The following IL1R1 variants were observed in gnomAD, a reference collection of about 807,000 sequenced individuals.
IL1R1 encodes interleukin 1 receptor type 1, also known as interleukin-1 receptor type 1.
In IL1R1, 22 loss-of-function variants were observed where a neutral mutation model predicts 50.2. The ratio of observed to expected loss-of-function variants is 0.44; its 90% CI spans 0.31 to 0.63. The LOEUF is 0.63. Ranked by LOEUF, IL1R1 falls within the 20% of genes least tolerant of loss-of-function variation. The pLI is 0.07. For synonymous variants in IL1R1, 251 were observed against 236.7 expected (o/e 1.06, Z -0.55); for missense variants, 509 against 676.2 (o/e 0.75, Z 2.74).
chr2:102,150,656 T>C (rs1249879897), intron 1 of IL1R1, among the ~76,000 whole-genome samples: 1 of 152,176 alleles, frequency 6.6e-6, no homozygotes, highest in Non-Finnish European at 1.5e-5. Flanking sequence ...TGGATGTGAT[T>C]GTCACATAAA....
At chr2:102,104,551 C>T (rs1454415846), upstream of IL1R1, 1 of 152,190 alleles carries the variant, frequency 6.6e-6, no homozygotes, top group African/African-American at 2.4e-5. Context: ...TTCATAGTTC[C>T]CCAGATGTGT....
chr2:102,163,441 C>G (rs190186178), intron 3 of IL1R1, among the ~76,000 whole-genome samples: 18 of 152,218 alleles, frequency 1.2e-4, no homozygotes, highest in Admixed American at 1.1e-3. Flanking sequence ...TGGATAATTT[C>G]TAATGCTGTG....
At chr2:102,096,086 C>T (rs915119598) in intron 1 of IL1R1, among the ~76,000 whole-genome samples, 1 of 152,194 alleles carries the variant, frequency 6.6e-6, no homozygotes, top group Non-Finnish European at 1.5e-5. Context: ...GTATTCCTGT[C>T]AATATATGTA....
intron 8 of IL1R1, chr2:102,172,356 A>G: frequency 1.0e-6 from 1 of 985,320 alleles, no homozygotes. Context: ...CAACACCTGC[A>G]AAGCACTTTG....
intron 1 of IL1R1, among the ~76,000 whole-genome samples, chr2:102,082,282 AAATAT>A (rs1679244734): frequency 2.9e-5 from 4 of 135,936 alleles, no homozygotes; most frequent in African/African-American, 1.0e-4. Context: ...CCTTTAATTT[AAATAT>A]TATTTCTGGA....
intron 1 of IL1R1, among the ~76,000 whole-genome samples, chr2:102,091,874 C>G (rs1679682348): frequency 2.0e-5 from 3 of 152,162 alleles, no homozygotes; most frequent in Admixed American, 2.0e-4. Flanking sequence ...TAAGAACATG[C>G]AAAATTTGTC....
At chr2:102,163,574 T>C (rs1250647420) in intron 3 of IL1R1, among the ~76,000 whole-genome samples, 1 of 152,212 alleles carries the variant, frequency 6.6e-6, no homozygotes, top group Non-Finnish European at 1.5e-5. Flanking sequence ...ATCTCTTTCA[T>C]GTCTTCACTA....
chr2:102,071,289 C>G (rs1194031848), intron 1 of IL1R1, among the ~76,000 whole-genome samples: 1 of 152,178 alleles, frequency 6.6e-6, no homozygotes, highest in African/African-American at 2.4e-5. Context: ...CTATCTGTAG[C>G]TCAATTTGCC....
chr2:102,169,592 G>T (rs1458088341), intron 7 of IL1R1, among the ~76,000 whole-genome samples: 1 of 152,198 alleles, frequency 6.6e-6, no homozygotes. Context: ...CCTTGGAATT[G>T]TCCTCTGTAA....
chr2:102,082,271 T>C (rs1679244132), intron 1 of IL1R1, among the ~76,000 whole-genome samples: 1 of 141,050 alleles, frequency 7.1e-6, no homozygotes, highest in Non-Finnish European at 1.6e-5. Context: ...ATAAATCTAA[T>C]CCTTTAATTT....
At chr2:102,148,258 G>A (rs1451505389) in intron 1 of IL1R1, among the ~76,000 whole-genome samples, 2 of 152,184 alleles carry the variant, frequency 1.3e-5, no homozygotes, top group Non-Finnish European at 2.9e-5. Context: ...ACACTTTCCT[G>A]CTCTAGCTTG....
intron 1 of IL1R1, among the ~76,000 whole-genome samples, chr2:102,147,792 G>C (rs1683287319): frequency 6.6e-6 from 1 of 152,150 alleles, no homozygotes; most frequent in South Asian, 2.1e-4. Flanking sequence ...CAATCTTGTG[G>C]CTTTTCGCCT....
chr2:102,174,636 C>A lies in IL1R1; in HGVS notation c.1041C>A (p.Val347=). Residue 347 remains valine (V), a synonymous_variant, in exon 10 of 12, where the codon GTC becomes GTA. Coordinates refer to ENST00000410023, the MANE Select transcript of IL1R1 (RefSeq NM_000877.4). ...HMIGICVTLT[V]IIVCSVFIYK... ...TTGGTATATGTGTCACGTTGACAGT[C>A]ATAATTGTGTGTTCTGTTTTCATCT... 6.2e-7 allele frequency: 1 copy of A among 1,611,098 alleles called. No individual in the cohort carries two copies. Among genetic ancestry groups the A allele is most frequent in the South Asian group, 1.1e-5 (1 of 90,744 alleles).
chr2:102,168,024 A>G (rs970908345), intron 6 of IL1R1, among the ~76,000 whole-genome samples: 4 of 152,132 alleles, frequency 2.6e-5, no homozygotes, highest in Non-Finnish European at 5.9e-5. Context: ...CGAGTGCTCA[A>G]TTTTATAGTT....
intron 1 of IL1R1, among the ~76,000 whole-genome samples, chr2:102,081,515 G>A (rs1051550190): frequency 2.0e-5 from 3 of 152,204 alleles, no homozygotes; most frequent in African/African-American, 7.2e-5. Context: ...AATGAGGATT[G>A]AGTTAGACTA....
intron 1 of IL1R1, among the ~76,000 whole-genome samples, chr2:102,099,235 C>T (rs1680032515): frequency 6.6e-6 from 1 of 152,104 alleles, no homozygotes; most frequent in African/African-American, 2.4e-5. Flanking sequence ...AGAAACTGCC[C>T]TGTTTATAAC....
chr2:102,091,316 A>C (rs1208277002), intron 1 of IL1R1, among the ~76,000 whole-genome samples: 1 of 152,178 alleles, frequency 6.6e-6, no homozygotes, highest in Non-Finnish European at 1.5e-5. Flanking sequence ...TATGTACTTG[A>C]CAAACATTGC....
intron 1 of IL1R1, among the ~76,000 whole-genome samples, chr2:102,131,970 A>G (rs1460588752): frequency 6.6e-6 from 1 of 152,160 alleles, no homozygotes; most frequent in Admixed American, 6.5e-5. Context: ...CTACCAAGAA[A>G]CAGCAGTGAC....
chr2:102,124,438 C>T (rs559912010), intron 1 of IL1R1, among the ~76,000 whole-genome samples: 2 of 147,684 alleles, frequency 1.4e-5, no homozygotes, highest in African/African-American at 2.5e-5. Context: ...CACTGCCCCC[C>T]CAAAAAAGAA....
Sources: gnomAD v4.1 joint callset for allele counts (sites outside exome capture counted in the v4.1 genomes callset) on GRCh38, gnomAD v4.1.1 for gene constraint, MANE v1.5 for transcripts, NCBI Gene and HGNC (gene_info 2026-07-23, HGNC 2026-07-21) for gene names.